TSHZ3: variants seen among roughly 807,000 people sequenced by gnomAD.
TSHZ3 encodes teashirt homolog 3.
In TSHZ3, 10 loss-of-function variants were observed where a neutral mutation model predicts 64.5. The ratio of observed to expected loss-of-function variants is 0.16; its 90% confidence interval spans 0.10 to 0.26. The LOEUF is 0.26. Ranked by LOEUF, TSHZ3 falls within the 10% of genes least tolerant of loss-of-function variation. The pLI, the probability that TSHZ3 is intolerant of heterozygous loss-of-function variation, is 1.00. For synonymous variants in TSHZ3, 608 were observed against 593.1 expected (o/e 1.03, Z -0.36); for missense variants, 1,242 against 1,421.7 (o/e 0.87, Z 2.03).
chr19:31,271,154 C>T (rs1976130894), downstream of TSHZ3, among the ~76,000 whole-genome samples: 1 of 152,112 alleles, frequency 6.6e-6, no homozygotes, highest in Non-Finnish European at 1.5e-5. Flanking sequence ...AACAATTTGG[C>T]TAATCTATTG....
intron 1 of TSHZ3, among the ~76,000 whole-genome samples, chr19:31,249,464 G>A (rs1424120487): frequency 2.6e-5 from 4 of 152,126 alleles, no homozygotes; most frequent in African/African-American, 9.7e-5. Flanking sequence ...AGGGACCTTG[G>A]CACCGACTGC....
rs371933427 is a variant in TSHZ3 at position 31,277,484 on chromosome 19, T to C, written c.2309A>G (p.Gln770Arg). ...KAAVATPPPLQSKKADHLDRY... is the reference protein window; with the variant it reads ...KAAVATPPPLRSKKADHLDRY... ...GTCGAGGTGGTCTGCCTTCTTGGAC[T>C]GCAGGGGCGGCGGGGTGGCCACAGC... is the stretch of plus-strand genomic sequence containing the variant. The change falls in exon 2 of 2, where the codon CAG becomes CGG. Residue 770 changes from glutamine to arginine, a missense_variant. Gln to Arg is a conservative substitution (Grantham distance 43). This residue lies in a region of TSHZ3 where 550 missense variants were observed against 545.1 expected (regional missense o/e 1.01). Transcript: ENST00000240587. This position sits in a 1 kb window ranked among gnomAD's most constrained non-coding sequence, Gnocchi z 4.5. 90 of 1,610,996 alleles carry C rather than the reference T, an allele frequency of 5.6e-5. No homozygotes were observed. Among genetic ancestry groups the C allele is most frequent in the Non-Finnish European group, 7.3e-5 (86 of 1,177,890 alleles).
chr19:31,248,070 C>A (rs1183219823), intron 1 of TSHZ3, among the ~76,000 whole-genome samples: 1 of 152,082 alleles, frequency 6.6e-6, no homozygotes, highest in Admixed American at 6.6e-5. Flanking sequence ...CAAGCAGAAA[C>A]CCCTTATAAA....
chr19:31,222,474 G>A (rs974438238), intron 4 of TSHZ3, among the ~76,000 whole-genome samples: 1 of 152,152 alleles, frequency 6.6e-6, no homozygotes, highest in Non-Finnish European at 1.5e-5. Context: ...ACTTTCAAAG[G>A]CTCTAGAGTA....
Position 31,276,721 on chromosome 19 carries a change from CG to C in TSHZ3, c.3071del (p.Pro1024ArgfsTer6). ...GGGAGGACGTCACCATTTTTTCTGA[CG>C]GTGACTTGGTTTGTGCTATCTGACT... ...INSQIAQTKS[P>X]SEKMVTSSPE... On this transcript the variant is annotated frameshift_variant, in exon 2 of 2. Transcript: ENST00000240587. LOFTEE classifies it high-confidence loss of function. The C allele has an allele frequency of 6.2e-7, 1 of 1,613,482 alleles. No individual in the cohort carries two copies. Among genetic ancestry groups the C allele is most frequent in the Non-Finnish European group, 8.5e-7 (1 of 1,179,476 alleles).
At chr19:31,338,147 G>A (rs10425786) in intron 1 of TSHZ3, among the ~76,000 whole-genome samples, 8,516 of 152,244 alleles carry the variant, frequency 0.056, 260 homozygotes, top group Admixed American at 0.088. Context: ...AGGCTGCAAG[G>A]CCTCTTGCAG....
At chr19:31,193,187 C>T (rs1974937885) in intron 5 of TSHZ3, among the ~76,000 whole-genome samples, 1 of 152,140 alleles carries the variant, frequency 6.6e-6, no homozygotes, top group African/African-American at 2.4e-5. Context: ...GACTCCAAGT[C>T]TGTACCAGAC....
At position 31,349,392 on chromosome 19, in the gene TSHZ3, C is replaced by A; in HGVS notation, c.-173G>T. ...GCGCCCAGGCTCTCCGCGTCCCCCC[C>A]GCGCCGCGCTCCGCCGCGAACCCCG... On this transcript the variant is annotated 5_prime_UTR_variant, in exon 1 of 2. Transcript: ENST00000240587. The A allele has an allele frequency of 4.2e-6, 2 of 478,768 alleles. No individual in the cohort carries two copies. The highest frequency in any genetic ancestry group is 6.7e-6 in the Non-Finnish European group (2 of 298,478). 29.7% of individuals were successfully genotyped at this position (478,768 alleles called of 1,614,324 possible).
At chr19:31,327,937 C>CA (rs1916977576) in intron 1 of TSHZ3, among the ~76,000 whole-genome samples, 1 of 152,162 alleles carries the variant, frequency 6.6e-6, no homozygotes, top group South Asian at 2.1e-4. Flanking sequence ...ATCTGCAAAC[C>CA]AATACATCGG....
chr19:31,318,104 G>T lies in TSHZ3; in HGVS notation c.40+31076C>A, dbSNP rs1382186620. On this transcript the variant is annotated intron_variant, in intron 1 of 1. Coordinates refer to ENST00000240587, the MANE Select transcript of TSHZ3 (RefSeq NM_020856.4). ...CAGTATAATAAATATACATTTAAAA[G>T]ATCTATAAACACATATTTATCTGCA... 2.6e-5 allele frequency among the ~76,000 whole-genome samples: 4 copies of T among 152,136 alleles called. No homozygotes were observed. The East Asian group carries it at 5.8e-4, about 22-fold the overall frequency.
downstream of TSHZ3, chr19:31,274,852 C>T (rs1976199706): frequency 6.6e-6 from 1 of 152,368 alleles, no homozygotes; most frequent in Non-Finnish European, 1.5e-5. Context: ...CCGCAGCAAC[C>T]AGCTCCGTCA....
rs766813001 is a variant in TSHZ3 at position 31,345,687 on chromosome 19, G to GT, written c.40+3492_40+3493insA. ...GATGGTTTCTTTTTGTTTTTTGTTT[G>GT]GTTTTTTTTTCTTTTGGAAGCATAA... On this transcript the variant is annotated intron_variant, in intron 1 of 1. Transcript: ENST00000240587. Among the ~76,000 whole-genome samples the GT allele has an allele frequency of 1.4e-3, 180 of 131,552 alleles. 1 individual carries two copies. The highest frequency in any genetic ancestry group is 2.0e-3 in the Non-Finnish European group (116 of 57,430). The allele number at this position is 131,552 out of a possible 152,430, so 86.3% of individuals were successfully genotyped here.
intron 1 of TSHZ3, among the ~76,000 whole-genome samples, chr19:31,299,999 T>A (rs1352574904): frequency 1.3e-5 from 2 of 152,224 alleles, no homozygotes; most frequent in African/African-American, 4.8e-5. Context: ...ATTATTGCAA[T>A]TTGACATTCA....
intron 3 of TSHZ3, among the ~76,000 whole-genome samples, chr19:31,237,753 T>C (rs1173375362): frequency 6.6e-6 from 1 of 152,220 alleles, no homozygotes; most frequent in Non-Finnish European, 1.5e-5. Context: ...CTTTTCGAAG[T>C]ATTGCTTTAG....
In TSHZ3 at chr19:31,305,337, G is replaced by T. The variant is rs140704353; in HGVS notation, c.41-25585C>A. On this transcript the variant is annotated intron_variant, in intron 1 of 1. Coordinates refer to ENST00000240587, the MANE Select transcript of TSHZ3 (RefSeq NM_020856.4). ...GGAAAGGAAAAAAAAAAAAAGCCGC[G>T]TGTCAGTTTCTTCTTTCTTTCTTCC... 4.1e-3 allele frequency among the ~76,000 whole-genome samples: 618 copies of T among 150,152 alleles called. 6 individuals are homozygous for T. The highest frequency in any genetic ancestry group is 0.014 in the African/African-American group (584 of 40,872).
chr19:31,254,821 T>G (rs1975887773), intron 1 of TSHZ3, among the ~76,000 whole-genome samples: 1 of 152,124 alleles, frequency 6.6e-6, no homozygotes, highest in Non-Finnish European at 1.5e-5. Flanking sequence ...CCATGAATCC[T>G]CTTAGTCATT....
intron 1 of TSHZ3, among the ~76,000 whole-genome samples, chr19:31,348,380 T>C (rs1425197574): frequency 6.6e-6 from 1 of 151,984 alleles, no homozygotes; most frequent in Non-Finnish European, 1.5e-5. Context: ...TGGTTTTTGT[T>C]TTGTTTTCAA....
Position 31,348,211 on chromosome 19 carries a change from C to T in TSHZ3, c.40+969G>A, listed in dbSNP as rs146869514. ...GTCACAGAGCTTGGCCTCACTATTG[C>T]AAGTGATTTATTGATGTTTATTGGG... On this transcript the variant is annotated intron_variant, in intron 1 of 1. Transcript: ENST00000240587. Among the ~76,000 whole-genome samples the T allele has an allele frequency of 9.1e-3, 1,392 of 152,202 alleles. 25 individuals are homozygous for T. Among genetic ancestry groups the T allele is most frequent in the African/African-American group, 0.029 (1,223 of 41,540 alleles).
intron 1 of TSHZ3, among the ~76,000 whole-genome samples, chr19:31,329,957 G>A (rs1027765383): frequency 6.6e-6 from 1 of 152,050 alleles, no homozygotes; most frequent in East Asian, 1.9e-4. Context: ...AAAAAAGAGC[G>A]CAGACACACA....
Sources: gnomAD v4.1 joint callset for allele counts (sites outside exome capture counted in the v4.1 genomes callset) on GRCh38, gnomAD v4.1.1 for gene constraint, gnomAD v4.1.1 regional missense constraint, Gnocchi (gnomAD v3.1) non-coding constraint, MANE v1.5 for transcripts, NCBI Gene and HGNC (gene_info 2026-07-23, HGNC 2026-07-21) for gene names.